IFT74: variants seen among roughly 807,000 people sequenced by gnomAD.
The protein encoded by IFT74 is intraflagellar transport 74, also known as intraflagellar transport protein 74 homolog.
IFT74 carries 92 observed loss-of-function variants against 96.7 expected under a neutral mutation model. The observed-to-expected ratio is 0.95, with a 90% CI of 0.80 to 1.13. IFT74 has a LOEUF of 1.13. Ranked by LOEUF, IFT74 falls within the 50% of genes most tolerant of loss-of-function variation. IFT74 has a pLI of 0.00. For missense variants in IFT74, 811 were observed against 698.2 expected (o/e 1.16, Z -1.82); for synonymous variants, 223 against 213.2 (o/e 1.05, Z -0.40).
intron 4 of IFT74, among the ~76,000 whole-genome samples, chr9:26,982,779 T>TG (rs1827443195): frequency 6.6e-6 from 1 of 151,810 alleles, no homozygotes; most frequent in African/African-American, 2.4e-5. Context: ...TTAGTAGAGA[T>TG]GGGGGTTTCA....
At chr9:27,053,845 G>A (rs1161737402) in intron 16 of IFT74, among the ~76,000 whole-genome samples, 2 of 152,008 alleles carry the variant, frequency 1.3e-5, no homozygotes, top group African/African-American at 2.4e-5. Context: ...TTCCTATTTC[G>A]AGCATTAAAA....
At chr9:26,947,422 C>G (rs1441097803) in intron 1 of IFT74, 2 of 197,366 alleles carry the variant, frequency 1.0e-5, no homozygotes, top group African/African-American at 4.6e-5. Context: ...GGGGTCCTTC[C>G]CAAACCCGGG....
intron 2 of IFT74, among the ~76,000 whole-genome samples, chr9:26,963,281 C>G (rs1225170317): frequency 1.3e-5 from 2 of 152,056 alleles, no homozygotes; most frequent in Non-Finnish European, 2.9e-5. Context: ...CTACAAAGGA[C>G]ATGAACTCAT....
At chr9:27,025,154 G>C (rs761740042) in intron 12 of IFT74, among the ~76,000 whole-genome samples, 96 of 152,060 alleles carry the variant, frequency 6.3e-4, no homozygotes, top group Non-Finnish European at 1.2e-3. Flanking sequence ...CCAAATATAA[G>C]AATGTCATGG....
chr9:27,007,991 T>C (rs1343917496), intron 8 of IFT74, among the ~76,000 whole-genome samples: 1 of 152,250 alleles, frequency 6.6e-6, no homozygotes, highest in Non-Finnish European at 1.5e-5. Context: ...GTATTTCTTT[T>C]GATTACGTGA....
intron 18 of IFT74, among the ~76,000 whole-genome samples, chr9:27,057,628 T>A (rs901535254): frequency 6.6e-5 from 10 of 151,946 alleles, no homozygotes; most frequent in African/African-American, 1.4e-4. Context: ...GAGGCTGAGG[T>A]GGGCGGATCA....
chr9:27,012,708 GT>G (rs772920018), intron 10 of IFT74, among the ~76,000 whole-genome samples: 15,275 of 53,524 alleles, frequency 0.29, 1,404 homozygotes, highest in Non-Finnish European at 0.31. Flanking sequence ...AAAAATGTCT[GT>G]TTTTTTTTTT....
At chr9:26,989,548 A>C (rs993951222) in intron 7 of IFT74, among the ~76,000 whole-genome samples, 3 of 152,162 alleles carry the variant, frequency 2.0e-5, no homozygotes, top group African/African-American at 7.2e-5. Context: ...GGATTGATAA[A>C]ATGACTCTTC....
At chr9:26,999,038 T>G (rs1201535937) in intron 8 of IFT74, among the ~76,000 whole-genome samples, 1 of 152,200 alleles carries the variant, frequency 6.6e-6, no homozygotes, top group Non-Finnish European at 1.5e-5. Flanking sequence ...CTCTCTGGTT[T>G]AACTCTCTTA....
chr9:27,032,663 C>T (rs111739623), intron 13 of IFT74, among the ~76,000 whole-genome samples: 3 of 151,742 alleles, frequency 2.0e-5, no homozygotes, highest in South Asian at 2.1e-4. Flanking sequence ...GTCAGGAGTT[C>T]GAGACCAGCC....
chr9:26,963,594 A>G (rs1020552948), intron 2 of IFT74, among the ~76,000 whole-genome samples: 1 of 150,814 alleles, frequency 6.6e-6, no homozygotes, highest in Non-Finnish European at 1.5e-5. Flanking sequence ...AAGTGTTCCT[A>G]TTTCTCCACA....
chr9:27,002,355 C>A (rs542022613), intron 8 of IFT74, among the ~76,000 whole-genome samples: 158 of 152,318 alleles, frequency 1.0e-3, no homozygotes, highest in African/African-American at 3.6e-3. Context: ...TTTATTTCAC[C>A]TGGGTGAAGG....
intron 8 of IFT74, among the ~76,000 whole-genome samples, chr9:27,003,388 T>A (rs147734522): frequency 0.013 from 1,932 of 152,182 alleles, 39 homozygotes; most frequent in African/African-American, 0.045. Context: ...CCGGGTGCAG[T>A]GGCAGGCACC....
At chr9:26,959,729 T>A (rs181123715) in intron 1 of IFT74, among the ~76,000 whole-genome samples, 3 of 152,276 alleles carry the variant, frequency 2.0e-5, no homozygotes, top group Admixed American at 2.0e-4. Context: ...GTAATTTTTT[T>A]AAATGAGTCA....
chr9:26,987,342 A>G (rs577236158), intron 6 of IFT74, among the ~76,000 whole-genome samples: 57 of 152,266 alleles, frequency 3.7e-4, no homozygotes, highest in Non-Finnish European at 5.3e-4. Context: ...CACCCGCCTC[A>G]GCCTCCCAAA....
At chr9:27,007,284 C>A (rs1020587593) in intron 8 of IFT74, among the ~76,000 whole-genome samples, 1 of 152,156 alleles carries the variant, frequency 6.6e-6, no homozygotes, top group Non-Finnish European at 1.5e-5. Flanking sequence ...TGTAATTTCT[C>A]CTCTGTAAAA....
chr9:27,011,879 T>C (rs1829096228), intron 9 of IFT74, 27 bp from the exon 10 acceptor site: 1 of 1,484,352 alleles, frequency 6.7e-7, no homozygotes, highest in Admixed American at 2.3e-5. Context: ...AATTTGGATT[T>C]ATGTTTGCTT....
intron 13 of IFT74, among the ~76,000 whole-genome samples, chr9:27,040,766 C>T (rs540524606): frequency 6.6e-6 from 1 of 152,098 alleles, no homozygotes; most frequent in East Asian, 1.9e-4. Flanking sequence ...TAGTACATGC[C>T]TTGTTGTGTA....
At chr9:27,008,363 C>G (rs555304827) in intron 8 of IFT74, among the ~76,000 whole-genome samples, 22 of 145,592 alleles carry the variant, frequency 1.5e-4, no homozygotes, top group Non-Finnish European at 2.1e-4. Context: ...ACTTATTTGT[C>G]TTTTTTTTTT....
Sources: allele counts gnomAD v4.1 joint callset (sites outside exome capture counted in the v4.1 genomes callset), GRCh38; gene constraint gnomAD v4.1.1; transcripts MANE v1.5; gene names NCBI Gene and HGNC (gene_info 2026-07-23, HGNC 2026-07-21).